PHKB: variants seen among roughly 807,000 people sequenced by gnomAD.
PHKB encodes the protein phosphorylase b kinase regulatory subunit beta.
Under a neutral mutation model 152.1 loss-of-function variants are expected in PHKB, and 122 were observed. The observed-to-expected ratio is 0.80, with a 90% CI of 0.69 to 0.93. The LOEUF (loss-of-function observed/expected upper bound fraction) is 0.93. PHKB is among the 40% of genes least tolerant of loss of function. The probability of loss-of-function intolerance (pLI) is 0.00; values close to 1 mark genes in which losing one functional copy is unlikely to be tolerated. For synonymous variants in PHKB, 436 were observed against 464.9 expected (o/e 0.94, Z 0.80); for missense variants, 1,304 against 1,328.4 (o/e 0.98, Z 0.29).
At chr16:47,510,771 A>C (rs181557831) in intron 4 of PHKB, among the ~76,000 whole-genome samples, 41 of 152,344 alleles carry the variant, frequency 2.7e-4, no homozygotes, top group Admixed American at 2.7e-3. Context: ...ATAGTTTCAT[A>C]GTGAATTGAA....
chr16:47,623,020 A>C (rs1972644505), intron 14 of PHKB, among the ~76,000 whole-genome samples: 1 of 152,190 alleles, frequency 6.6e-6, no homozygotes, highest in East Asian at 1.9e-4. Flanking sequence ...GTGGCTTTGC[A>C]TCTCATACAG....
chr16:47,541,227 A>G (rs1014589577), intron 6 of PHKB, among the ~76,000 whole-genome samples: 6 of 152,108 alleles, frequency 3.9e-5, no homozygotes, highest in South Asian at 4.1e-4. Context: ...ATTCGCACCT[A>G]TGAGTGAGAA....
chr16:47,685,866 T>A (rs990100059), intron 26 of PHKB, among the ~76,000 whole-genome samples: 1 of 151,582 alleles, frequency 6.6e-6, no homozygotes, highest in African/African-American at 2.4e-5. Flanking sequence ...CTCAGCCTCC[T>A]GAGTAGCTGG....
At chr16:47,515,050 A>G (rs1970572942) in intron 5 of PHKB, among the ~76,000 whole-genome samples, 1 of 152,190 alleles carries the variant, frequency 6.6e-6, no homozygotes, top group Non-Finnish European at 1.5e-5. Flanking sequence ...TGGCATCATC[A>G]TAGTGTCTTG....
intron 23 of PHKB, among the ~76,000 whole-genome samples, chr16:47,662,247 G>A (rs1322755553): frequency 6.6e-6 from 1 of 152,132 alleles, no homozygotes; most frequent in Non-Finnish European, 1.5e-5. Flanking sequence ...CTCTGAAGAT[G>A]GTTAATAAAA....
chr16:47,673,038 G>A (rs1218556521), intron 26 of PHKB, among the ~76,000 whole-genome samples: 1 of 151,966 alleles, frequency 6.6e-6, no homozygotes, highest in Non-Finnish European at 1.5e-5. Flanking sequence ...TAGTGTCCCT[G>A]CCTGACTTAT....
chr16:47,614,299 C>G (rs1180079268), intron 14 of PHKB, among the ~76,000 whole-genome samples: 1 of 152,194 alleles, frequency 6.6e-6, no homozygotes, highest in African/African-American at 2.4e-5. Flanking sequence ...CAGTCCCTAC[C>G]TTCAACACTG....
rs1287901585 is a variant in PHKB at position 47,699,260 on chromosome 16, C to T, written c.3176C>T (p.Pro1059Leu). ...ATGACTTCCTTTTACAACACTCCTC[C>T]CCTGGGAAAAAGAGGAACATGCAGC... ...DDMTSFYNTP[P>L]LGKRGTCSYL... The change falls in exon 31 of 31, where the codon CCC becomes CTC. Residue 1059 changes from proline to leucine, a missense_variant. Coordinates refer to ENST00000323584, the MANE Select transcript of PHKB (RefSeq NM_000293.3). 6.2e-7 allele frequency: 1 copy of T among 1,613,776 alleles called. No individual in the cohort carries two copies. Among genetic ancestry groups the T allele is most frequent in the African/African-American group, 1.3e-5 (1 of 74,902 alleles).
At chr16:47,647,526 C>G (rs1352179565) in intron 16 of PHKB, among the ~76,000 whole-genome samples, 1 of 149,456 alleles carries the variant, frequency 6.7e-6, no homozygotes, top group Non-Finnish European at 1.5e-5. Context: ...GAGACGGAGT[C>G]TCGCTCTGTT....
At chr16:47,593,114 G>T (rs962805608) in intron 10 of PHKB, among the ~76,000 whole-genome samples, 2 of 149,862 alleles carry the variant, frequency 1.3e-5, no homozygotes, top group East Asian at 2.0e-4. Flanking sequence ...GAAAAAGAGG[G>T]GGGGGAGGGA....
intron 13 of PHKB, among the ~76,000 whole-genome samples, chr16:47,603,503 CTTTT>C (rs1200510899): frequency 2.3e-5 from 3 of 132,572 alleles, no homozygotes; most frequent in African/African-American, 2.8e-5. Flanking sequence ...AACTGACTTT[CTTTT>C]TTTTTTTTTT....
At chr16:47,693,260 T>C in intron 27 of PHKB, 118 bp from the exon 28 acceptor site, 2 of 969,822 alleles carry the variant, frequency 2.1e-6, no homozygotes, top group Non-Finnish European at 3.3e-6. Context: ...TATGCATCAT[T>C]GATGGGCTTT....
rs1972060509 is a variant in PHKB, at chr16:47,593,204, AGG to A, written c.1069-294_1069-293del. ...GAGAGAGGGAGGGAGAGAGAGAGAG[AGG>A]GAGAAAGAAAGAAAGAGGGAAGGAG... On this transcript the variant is annotated intron_variant, in intron 10 of 30. Transcript: ENST00000323584. Among the ~76,000 whole-genome samples, 3 of 130,854 alleles carry A rather than the reference AGG, an allele frequency of 2.3e-5. No homozygotes were observed. In the South Asian group the frequency reaches 8.7e-4, roughly 38 times the overall value. 85.8% of individuals were successfully genotyped at this position (130,854 alleles called of 152,430 possible). A position where few individuals can be genotyped will look rare whatever the true frequency, so the allele number is the denominator to read the frequency against.
chr16:47,571,939 A>G (rs574978753), intron 7 of PHKB, among the ~76,000 whole-genome samples: 10 of 152,052 alleles, frequency 6.6e-5, no homozygotes, highest in Non-Finnish European at 1.3e-4. Flanking sequence ...ATGGTGATCT[A>G]TGCGGGCCAG....
At chr16:47,529,396 A>T (rs1298669012) in intron 6 of PHKB, 2 of 138,172 alleles carry the variant, frequency 1.4e-5, no homozygotes, top group African/African-American at 5.6e-5. Context: ...TTGCCAGGCT[A>T]GGGTACAATG....
intron 1 of PHKB, among the ~76,000 whole-genome samples, chr16:47,470,959 C>A (rs1969756368): frequency 6.6e-6 from 1 of 152,178 alleles, no homozygotes; most frequent in Non-Finnish European, 1.5e-5. Flanking sequence ...CCAGTTGTTT[C>A]CTACTGAACT....
chr16:47,621,540 T>G (rs1972617374), intron 14 of PHKB, among the ~76,000 whole-genome samples: 1 of 152,188 alleles, frequency 6.6e-6, no homozygotes. Context: ...GTTCTAATGC[T>G]CTCAAATAGT....
chr16:47,560,543 T>C (rs1306025742), intron 7 of PHKB, among the ~76,000 whole-genome samples: 1 of 152,194 alleles, frequency 6.6e-6, no homozygotes, highest in East Asian at 1.9e-4. Context: ...ATAATTAAAA[T>C]AGTGTGGTTC....
At chr16:47,593,186 GGAGGGAGAGAGAGAGA>G (rs1972059535) in intron 10 of PHKB, among the ~76,000 whole-genome samples, 1 of 140,200 alleles carries the variant, frequency 7.1e-6, no homozygotes, top group African/African-American at 2.6e-5. Flanking sequence ...AGAGAGAGAG[GGAGGGAGAGAGAGAGA>G]GAGGGAGAAA....
Sources: allele counts gnomAD v4.1 joint callset (sites outside exome capture counted in the v4.1 genomes callset), GRCh38; gene constraint gnomAD v4.1.1; transcripts MANE v1.5; gene names NCBI Gene and HGNC (gene_info 2026-07-23, HGNC 2026-07-21).